Variants in ADGRL2 observed in about 807,000 individuals in gnomAD.
The protein encoded by ADGRL2 is adhesion G protein-coupled receptor L2, also known as calcium-independent alpha-latrotoxin receptor 2.
ADGRL2 carries 44 observed loss-of-function variants against 157.4 expected under a neutral mutation model. That is an observed-to-expected ratio of 0.28 (90% confidence interval 0.22 to 0.36). The LOEUF (loss-of-function observed/expected upper bound fraction) is 0.36. Among genes scored for constraint, ADGRL2 ranks in the 10% least tolerant of loss-of-function variants. ADGRL2 has a pLI of 1.00. For missense variants in ADGRL2, 1,510 were observed against 1,768.9 expected, an observed-to-expected ratio of 0.85 and a Z score of 2.63; for synonymous variants, 585 against 624.7, an observed-to-expected ratio of 0.94 and a Z score of 0.95.
At chr1:81,983,683 G>A (rs1161364057) in intron 19 of ADGRL2, among the ~76,000 whole-genome samples, 1 of 151,974 alleles carries the variant, frequency 6.6e-6, no homozygotes, top group Non-Finnish European at 1.5e-5. Context: ...AAGAAAACAT[G>A]TATATGCCAG....
chr1:81,655,185 A>G (rs946448806), intron 3 of ADGRL2, among the ~76,000 whole-genome samples: 1 of 152,196 alleles, frequency 6.6e-6, no homozygotes, highest in Non-Finnish European at 1.5e-5. Flanking sequence ...TATTTTTAGT[A>G]GAGACGGGTT....
chr1:81,989,234 T>G (rs1664055105), intron 23 of ADGRL2, among the ~76,000 whole-genome samples: 1 of 152,170 alleles, frequency 6.6e-6, no homozygotes, highest in Non-Finnish European at 1.5e-5. Context: ...CCTTTAGAGA[T>G]AAAAATATAT....
rs538720778 is a variant in ADGRL2, at chr1:81,647,293, A to C, written c.-143+66313A>C. On this transcript the variant is annotated intron_variant, in intron 3 of 24. Coordinates refer to the ADGRL2 transcript ENST00000370721. ...AATGCAGAATTTTGAATGTGATGAG[A>C]CTTCACCTTATTTAAAGAAGCAGGT... Among the ~76,000 whole-genome samples, 5 of 152,280 alleles carry C rather than the reference A, an allele frequency of 3.3e-5. No individual in the cohort carries two copies. The South Asian group carries it at 1.0e-3, about 32-fold the overall frequency.
At chr1:81,757,056 TA>T (rs1298969002) in intron 1 of ADGRL2, among the ~76,000 whole-genome samples, 1 of 152,158 alleles carries the variant, frequency 6.6e-6, no homozygotes, top group African/African-American at 2.4e-5. Context: ...TCTCTGTAGC[TA>T]ATGTTTGCTA....
At chr1:81,961,186 C>G (rs977736838) in intron 11 of ADGRL2, among the ~76,000 whole-genome samples, 2 of 152,122 alleles carry the variant, frequency 1.3e-5, no homozygotes, top group Non-Finnish European at 2.9e-5. Flanking sequence ...TTCAGAAAAT[C>G]TATTGAATAA....
intron 2 of ADGRL2, among the ~76,000 whole-genome samples, chr1:81,549,320 A>G (rs925687357): frequency 5.3e-5 from 8 of 152,306 alleles, no homozygotes; most frequent in African/African-American, 1.9e-4. Context: ...AAAACAAAGG[A>G]AAGGAAGAAT....
intron 1 of ADGRL2, among the ~76,000 whole-genome samples, chr1:81,398,099 T>G (rs2101210989): frequency 6.6e-6 from 1 of 152,306 alleles, no homozygotes; most frequent in East Asian, 1.9e-4. Flanking sequence ...TTACCTAAAA[T>G]CTATTTTATC....
At chr1:81,545,254 G>T (rs2079985225) in intron 2 of ADGRL2, among the ~76,000 whole-genome samples, 1 of 151,316 alleles carries the variant, frequency 6.6e-6, no homozygotes, top group African/African-American at 2.4e-5. Context: ...ACTTATAGCT[G>T]CCCAGAAGAA....
At chr1:81,673,510 ATTT>A (rs35732882) in intron 3 of ADGRL2, among the ~76,000 whole-genome samples, 35 of 100,136 alleles carry the variant, frequency 3.5e-4, no homozygotes, top group East Asian at 1.1e-3. Context: ...TGTGCCTTCT[ATTT>A]TTTTTTTTTT....
At chr1:81,462,492 A>C (rs1012810958) in intron 2 of ADGRL2, among the ~76,000 whole-genome samples, 6 of 141,336 alleles carry the variant, frequency 4.2e-5, no homozygotes, top group African/African-American at 1.5e-4. Context: ...CACATCAGGG[A>C]GGGAGGGAGG....
At chr1:81,453,355 A>T (rs1413780243) in intron 2 of ADGRL2, among the ~76,000 whole-genome samples, 1 of 152,180 alleles carries the variant, frequency 6.6e-6, no homozygotes, top group Non-Finnish European at 1.5e-5. Flanking sequence ...CGCCGAGAAA[A>T]ACAAAGACAT....
intron 3 of ADGRL2, among the ~76,000 whole-genome samples, chr1:81,913,821 T>C (rs1190815928): frequency 6.6e-6 from 1 of 152,180 alleles, no homozygotes; most frequent in East Asian, 1.9e-4. Context: ...TCAAATCGCC[T>C]GTACCTAGAA....
intron 2 of ADGRL2, among the ~76,000 whole-genome samples, chr1:81,898,474 C>T (rs529543229): frequency 3.3e-5 from 5 of 152,138 alleles, no homozygotes; most frequent in South Asian, 2.1e-4. Flanking sequence ...AAAGGAATTA[C>T]GTATAAGTAA....
intron 3 of ADGRL2, among the ~76,000 whole-genome samples, chr1:81,602,888 ACT>A (rs2081361431): frequency 8.0e-6 from 1 of 124,622 alleles, no homozygotes. Flanking sequence ...ACAGAGCGAG[ACT>A]CTGTCTCAAA....
chr1:81,462,428 T>A (rs2077957442), intron 2 of ADGRL2, among the ~76,000 whole-genome samples: 1 of 152,164 alleles, frequency 6.6e-6, no homozygotes, highest in Non-Finnish European at 1.5e-5. Flanking sequence ...GGTCTGTGGC[T>A]TCATTCTTGA....
chr1:81,453,876 T>C (rs1254983855), intron 2 of ADGRL2, among the ~76,000 whole-genome samples: 2 of 152,102 alleles, frequency 1.3e-5, no homozygotes, highest in African/African-American at 2.4e-5. Flanking sequence ...AAAACCAAAA[T>C]GAGCTTGCAA....
chr1:81,595,832 G>A (rs529491450), intron 3 of ADGRL2, among the ~76,000 whole-genome samples: 1 of 152,176 alleles, frequency 6.6e-6, no homozygotes, highest in Non-Finnish European at 1.5e-5. Flanking sequence ...GGACTAGGTG[G>A]CTTATAAGCA....
chr1:81,542,273 G>T (rs1222842431), intron 2 of ADGRL2, among the ~76,000 whole-genome samples: 1 of 152,166 alleles, frequency 6.6e-6, no homozygotes, highest in African/African-American at 2.4e-5. Flanking sequence ...CAGGAATGAG[G>T]AAAGTAAAAG....
chr1:81,878,145 G>GC (rs2093889991), intron 2 of ADGRL2, among the ~76,000 whole-genome samples: 4 of 152,212 alleles, frequency 2.6e-5, no homozygotes, highest in Admixed American at 2.6e-4. Context: ...GGAAGCCATA[G>GC]CTTTCCAAGT....
Sources: gnomAD v4.1 joint callset for allele counts (sites outside exome capture counted in the v4.1 genomes callset) on GRCh38, gnomAD v4.1.1 for gene constraint, MANE v1.5 for transcripts, NCBI Gene and HGNC (gene_info 2026-07-23, HGNC 2026-07-21) for gene names.